The following ZSWIM6 variants were observed in gnomAD, a reference collection of about 807,000 sequenced individuals.
The protein encoded by ZSWIM6 is zinc finger SWIM-type containing 6.
ZSWIM6 carries 9 observed loss-of-function variants against 113.2 expected under a neutral mutation model. The observed-to-expected ratio is 0.08, with a 90% CI of 0.05 to 0.14. ZSWIM6 has a LOEUF of 0.14. Among genes scored for constraint, ZSWIM6 ranks in the 10% least tolerant of loss-of-function variants. ZSWIM6 has a pLI of 1.00. For synonymous variants in ZSWIM6, 611 were observed against 606.5 expected (o/e 1.01, Z -0.11); for missense variants, 1,162 against 1,552.2 (o/e 0.75, Z 4.22).
chr5:61,388,669 A>G (rs556862872), intron 1 of ZSWIM6, among the ~76,000 whole-genome samples: 1 of 152,364 alleles, frequency 6.6e-6, no homozygotes, highest in South Asian at 2.1e-4. Flanking sequence ...CACAACTAAT[A>G]AATGGCAGAG....
rs1258573135 is a variant in ZSWIM6 at position 61,359,248 on chromosome 5, G to A, written c.676+26300G>A. On this transcript the variant is annotated intron_variant, in intron 1 of 13. Transcript: ENST00000252744. ...CAGAGATTTCTCATGTGGTTGGGGT[G>A]CAAGATTTGAGGATGCAAATAGGAG... Among the ~76,000 whole-genome samples, 3 of 152,056 alleles carry A rather than the reference G, an allele frequency of 2.0e-5. No homozygotes were observed. In the East Asian group the frequency reaches 5.8e-4, roughly 29 times the overall value.
chr5:61,488,481 T>G (rs982928207), intron 2 of ZSWIM6, among the ~76,000 whole-genome samples: 3 of 152,066 alleles, frequency 2.0e-5, no homozygotes, highest in Non-Finnish European at 4.4e-5. Context: ...TAAATCCATC[T>G]GATCCTGGGC....
intron 1 of ZSWIM6, among the ~76,000 whole-genome samples, chr5:61,369,909 T>G (rs1745229394): frequency 6.6e-6 from 1 of 152,192 alleles, no homozygotes; most frequent in Non-Finnish European, 1.5e-5. Context: ...CCACAGATAT[T>G]TCACTGGACA....
chr5:61,337,277 T>TGC (rs1744420546), intron 1 of ZSWIM6, among the ~76,000 whole-genome samples: 1 of 144,550 alleles, frequency 6.9e-6, no homozygotes, highest in Non-Finnish European at 1.5e-5. Context: ...AGATTCCGTC[T>TGC]CCCCCCCCAA....
chr5:61,476,470 T>G (rs1311984517), intron 2 of ZSWIM6, among the ~76,000 whole-genome samples: 1 of 152,208 alleles, frequency 6.6e-6, no homozygotes, highest in African/African-American at 2.4e-5. Context: ...CAATATGTTT[T>G]CATAAAATTT....
intron 4 of ZSWIM6, among the ~76,000 whole-genome samples, chr5:61,512,518 T>C (rs1356584873): frequency 6.6e-6 from 1 of 152,154 alleles, no homozygotes; most frequent in African/African-American, 2.4e-5. Flanking sequence ...TCAAAATACA[T>C]TTAACTTCAT....
chr5:61,390,646 G>A (rs1745687587), intron 1 of ZSWIM6: 4 of 796,408 alleles, frequency 5.0e-6, no homozygotes, highest in Non-Finnish European at 8.7e-6. Flanking sequence ...GACCCCACCA[G>A]CTGCAAAAAC....
At chr5:61,376,835 C>G (rs1432075987) in intron 1 of ZSWIM6, among the ~76,000 whole-genome samples, 4 of 146,174 alleles carry the variant, frequency 2.7e-5, no homozygotes, top group Non-Finnish European at 6.0e-5. Flanking sequence ...TTTGTTAACT[C>G]CTCACTCTTG....
In ZSWIM6 at chr5:61,530,087, C is replaced by T. The variant is rs1272601414; in HGVS notation, c.1873C>T (p.Leu625=). ...PHKNITSITN[L]EGWVGHPLDP... is the part of the protein sequence containing the mutation. ...TAAAAACATAACCTCGATAACCAAT[C>T]TGGAGGGCTGGGTTGGACATCCCCT... The change falls in exon 8 of 14, where the codon CTG becomes TTG. Residue 625 remains leucine (L), a synonymous_variant. Transcript: ENST00000252744. 3 of 1,551,404 alleles carry T rather than the reference C, an allele frequency of 1.9e-6. No homozygotes were observed. The highest frequency in any genetic ancestry group is 2.7e-5 in the African/African-American group (2 of 73,012).
chr5:61,398,912 GTTTTTTTTTTTTTTTTTTTT>G (rs57439648), intron 1 of ZSWIM6, among the ~76,000 whole-genome samples: 3 of 61,784 alleles, frequency 4.9e-5, no homozygotes, highest in South Asian at 1.5e-3. Flanking sequence ...GTGTATAGTT[GTTTTTTTTTTTTTTTTTTTT>G]TTTTTTTTGA....
chr5:61,416,364 A>T (rs1416209785), intron 1 of ZSWIM6, among the ~76,000 whole-genome samples: 1 of 152,230 alleles, frequency 6.6e-6, no homozygotes, highest in Admixed American at 6.5e-5. Context: ...GAAATTTTTA[A>T]TAAGAATTTT....
chr5:61,394,428 C>A (rs550331858), intron 1 of ZSWIM6, among the ~76,000 whole-genome samples: 1 of 152,326 alleles, frequency 6.6e-6, no homozygotes, highest in African/African-American at 2.4e-5. Flanking sequence ...ATTGCCTGGC[C>A]TGCTAAGCAA....
intron 1 of ZSWIM6, among the ~76,000 whole-genome samples, chr5:61,400,140 A>C (rs1745916404): frequency 6.6e-6 from 1 of 152,134 alleles, no homozygotes; most frequent in Admixed American, 6.5e-5. Context: ...TTGGTTTTCA[A>C]GGTAGTTTTG....
intron 1 of ZSWIM6, among the ~76,000 whole-genome samples, chr5:61,432,340 AAG>A (rs1262238870): frequency 1.3e-5 from 2 of 152,246 alleles, no homozygotes; most frequent in Non-Finnish European, 2.9e-5. Context: ...CAGAGTACGT[AAG>A]AGTGTTAAAA....
At chr5:61,541,577 C>G (rs545438103) in intron 12 of ZSWIM6, among the ~76,000 whole-genome samples, 63 of 152,172 alleles carry the variant, frequency 4.1e-4, no homozygotes, top group Non-Finnish European at 8.5e-4. Flanking sequence ...ATGCTCCAGT[C>G]CAGCCCTCTG....
chr5:61,422,382 T>C (rs1391775105), intron 1 of ZSWIM6, among the ~76,000 whole-genome samples: 2 of 152,234 alleles, frequency 1.3e-5, no homozygotes, highest in Non-Finnish European at 2.9e-5. Flanking sequence ...ACTGTAGATA[T>C]ATGGATTCAT....
chr5:61,492,353 A>G (rs1191068131), intron 3 of ZSWIM6, among the ~76,000 whole-genome samples: 1 of 152,098 alleles, frequency 6.6e-6, no homozygotes, highest in Non-Finnish European at 1.5e-5. Context: ...CCTATATATT[A>G]TATACACATT....
intron 4 of ZSWIM6, among the ~76,000 whole-genome samples, chr5:61,499,629 G>C (rs1209624141): frequency 2.6e-5 from 4 of 152,164 alleles, no homozygotes; most frequent in Admixed American, 2.0e-4. Context: ...GGAAGAAGCA[G>C]TGTGAATACT....
At chr5:61,380,488 G>A (rs987350274) in intron 1 of ZSWIM6, among the ~76,000 whole-genome samples, 1 of 152,170 alleles carries the variant, frequency 6.6e-6, no homozygotes, top group East Asian at 1.9e-4. Flanking sequence ...CTAATATGTA[G>A]TATCCACTCA....
Sources: gnomAD v4.1 joint callset for allele counts (sites outside exome capture counted in the v4.1 genomes callset) on GRCh38, gnomAD v4.1.1 for gene constraint, MANE v1.5 for transcripts, NCBI Gene and HGNC (gene_info 2026-07-23, HGNC 2026-07-21) for gene names.